Variants in AGBL4 observed in about 807,000 individuals in gnomAD.
The protein encoded by AGBL4 is cytosolic carboxypeptidase 6.
Under a neutral mutation model 66.4 loss-of-function variants are expected in AGBL4, and 58 were observed. The observed-to-expected ratio is 0.87, with a 90% CI of 0.71 to 1.09. AGBL4 has a LOEUF of 1.09. AGBL4 is among the 50% of genes least tolerant of loss of function. AGBL4 has a pLI of 0.00. For synonymous variants in AGBL4, 234 were observed against 222.9 expected (o/e 1.05, Z -0.44); for missense variants, 579 against 631.0 (o/e 0.92, Z 0.88).
chr1:49,130,632 G>A (rs558234755), intron 4 of AGBL4, among the ~76,000 whole-genome samples: 19 of 151,944 alleles, frequency 1.3e-4, no homozygotes, highest in African/African-American at 2.9e-4. Flanking sequence ...GTAGATATGC[G>A]GCATTATTTC....
intron 4 of AGBL4, among the ~76,000 whole-genome samples, chr1:49,051,058 C>T (rs748569157): frequency 3.3e-5 from 5 of 151,974 alleles, no homozygotes; most frequent in Non-Finnish European, 5.9e-5. Context: ...ATTCTCTGGT[C>T]CTCCTCAGGA....
chr1:48,750,091 T>C lies in AGBL4; in HGVS notation c.635-86850A>G, dbSNP rs1483990740. Among the ~76,000 whole-genome samples the C allele has an allele frequency of 2.0e-5, 3 of 152,188 alleles. No individual in the cohort carries two copies. In the East Asian group the frequency reaches 5.8e-4, roughly 29 times the overall value. The stretch of plus-strand genomic sequence containing the variant: ...ATCAATCCATGACCCTGACCTCTGC[T>C]GATACTCCCTTCAGGCCATGAGCCC... On this transcript the variant is annotated intron_variant, in intron 6 of 13. Coordinates refer to ENST00000371839, the MANE Select transcript of AGBL4 (RefSeq NM_032785.4).
chr1:48,628,294 T>C (rs1451953443), intron 9 of AGBL4, among the ~76,000 whole-genome samples: 3 of 152,180 alleles, frequency 2.0e-5, no homozygotes, highest in South Asian at 2.1e-4. Context: ...GATTGAAGAA[T>C]TGAGTGGCTG....
chr1:48,875,275 C>G (rs1276328528), intron 5 of AGBL4, among the ~76,000 whole-genome samples: 1 of 152,170 alleles, frequency 6.6e-6, no homozygotes, highest in Non-Finnish European at 1.5e-5. Context: ...TGACTGATAT[C>G]TGGATGCCAT....
At chr1:48,762,574 A>G (rs1159547830) in intron 6 of AGBL4, among the ~76,000 whole-genome samples, 1 of 151,236 alleles carries the variant, frequency 6.6e-6, no homozygotes, top group African/African-American at 2.4e-5. Context: ...TGGATGTAGC[A>G]TATGGCCAGG....
intron 3 of AGBL4, among the ~76,000 whole-genome samples, chr1:49,401,043 C>T (rs1645074395): frequency 6.6e-6 from 1 of 152,044 alleles, no homozygotes; most frequent in East Asian, 1.9e-4. Flanking sequence ...TTATCAAATA[C>T]TTTTTCAGCA....
chr1:49,521,061 G>A (rs1650222522), intron 3 of AGBL4, among the ~76,000 whole-genome samples: 2 of 151,834 alleles, frequency 1.3e-5, no homozygotes, highest in South Asian at 2.1e-4. Flanking sequence ...CACCCACCTT[G>A]GCCCCTCAAA....
intron 3 of AGBL4, among the ~76,000 whole-genome samples, chr1:49,271,583 C>T (rs940943314): frequency 2.6e-5 from 4 of 151,336 alleles, no homozygotes; most frequent in Admixed American, 2.0e-4. Context: ...ATACTTTTGA[C>T]GTTCTCTCTT....
intron 3 of AGBL4, among the ~76,000 whole-genome samples, chr1:49,572,045 T>C (rs898025249): frequency 2.3e-4 from 35 of 152,294 alleles, no homozygotes; most frequent in African/African-American, 8.4e-4. Flanking sequence ...TGCTGTGTCC[T>C]TGTTTGCTTG....
chr1:48,947,953 C>A (rs374062360), intron 5 of AGBL4, among the ~76,000 whole-genome samples: 1 of 151,528 alleles, frequency 6.6e-6, no homozygotes, highest in East Asian at 1.9e-4. Flanking sequence ...TGCAGTCGCG[C>A]AATCTCGGCT....
chr1:48,587,958 C>G (rs1340553318), intron 10 of AGBL4, among the ~76,000 whole-genome samples: 1 of 152,104 alleles, frequency 6.6e-6, no homozygotes, highest in Non-Finnish European at 1.5e-5. Flanking sequence ...AAAACAAAAA[C>G]AAAAATAAAA....
intron 3 of AGBL4, among the ~76,000 whole-genome samples, chr1:49,593,191 G>A (rs999243602): frequency 2.0e-5 from 3 of 152,156 alleles, no homozygotes; most frequent in Non-Finnish European, 4.4e-5. Flanking sequence ...GGTGGATCAC[G>A]AGGTCAGATT....
the AGBL4 span, among the ~76,000 whole-genome samples, chr1:48,525,873 T>A: frequency 2.0e-5 from 3 of 152,146 alleles, no homozygotes; most frequent in South Asian, 6.2e-4. Context: ...CTCTAGTTAG[T>A]GACATAGCAC....
intron 3 of AGBL4, among the ~76,000 whole-genome samples, chr1:49,688,292 G>A (rs1221828969): frequency 6.6e-6 from 1 of 152,044 alleles, no homozygotes; most frequent in Non-Finnish European, 1.5e-5. Flanking sequence ...TTAATTTTTA[G>A]CTAATTTTAG....
chr1:48,748,439 G>A lies in AGBL4; in HGVS notation c.635-85198C>T, dbSNP rs538227299. Among the ~76,000 whole-genome samples the A allele has an allele frequency of 7.2e-5, 11 of 152,342 alleles. No individual in the cohort carries two copies. In the South Asian group the frequency reaches 2.3e-3, roughly 32 times the overall value. On this transcript the variant is annotated intron_variant, in intron 6 of 13. Transcript: ENST00000371839. ...GCTTCACTGTCCAGCAGTGGAAAGA[G>A]ACAGGCAGCAGACTACCACCAGCCA...
At position 49,907,098 on chromosome 1, in the gene AGBL4, A is replaced by G. The variant is rs192887921; in HGVS notation, c.35-55580T>C. 1.1e-4 allele frequency among the ~76,000 whole-genome samples: 16 copies of G among 152,258 alleles called. No individual in the cohort carries two copies. In the East Asian group the frequency reaches 2.9e-3, roughly 27 times the overall value. On this transcript the variant is annotated intron_variant, in intron 1 of 13. Transcript: ENST00000371839. ...CTAAGTTGTAGCAAAACAATCACAA[A>G]TGATGTGATAAAAGTTCATATCATA...
chr1:49,282,948 G>T (rs1252760755), intron 3 of AGBL4, among the ~76,000 whole-genome samples: 1 of 152,190 alleles, frequency 6.6e-6, no homozygotes, highest in Non-Finnish European at 1.5e-5. Context: ...TGGGGGAGGG[G>T]CGCCCGCCAT....
intron 3 of AGBL4, among the ~76,000 whole-genome samples, chr1:49,563,056 A>T (rs930302399): frequency 1.3e-5 from 2 of 151,880 alleles, no homozygotes; most frequent in African/African-American, 4.8e-5. Flanking sequence ...TAGGTATTTT[A>T]TTCTCTTTGA....
At chr1:49,130,989 T>A (rs1353624430) in intron 4 of AGBL4, among the ~76,000 whole-genome samples, 1 of 152,184 alleles carries the variant, frequency 6.6e-6, no homozygotes, top group African/African-American at 2.4e-5. Context: ...AGCTTTATTC[T>A]TTAATGAAAT....
Sources: gnomAD v4.1 joint callset for allele counts (sites outside exome capture counted in the v4.1 genomes callset) on GRCh38, gnomAD v4.1.1 for gene constraint, MANE v1.5 for transcripts, NCBI Gene and HGNC (gene_info 2026-07-23, HGNC 2026-07-21) for gene names.